The following GABRG3 variants were observed in gnomAD, a reference collection of about 807,000 sequenced individuals.
GABRG3 encodes gamma-aminobutyric acid receptor subunit gamma-3.
In GABRG3, 25 loss-of-function variants were observed where a neutral mutation model predicts 48.8. That is an observed-to-expected ratio of 0.51 (90% CI 0.37 to 0.72). The LOEUF (loss-of-function observed/expected upper bound fraction) is 0.72. Among genes scored for constraint, GABRG3 ranks in the 30% least tolerant of loss-of-function variants. GABRG3 has a pLI of 0.00. For missense variants in GABRG3, 394 were observed against 577.9 expected, an observed-to-expected ratio of 0.68 and a Z score of 3.26; for synonymous variants, 227 against 217.6, an observed-to-expected ratio of 1.04 and a Z score of -0.38.
intron 5 of GABRG3, among the ~76,000 whole-genome samples, chr15:27,395,867 A>T (rs1279363737): frequency 6.6e-6 from 1 of 152,092 alleles, no homozygotes; most frequent in Non-Finnish European, 1.5e-5. Flanking sequence ...GATAAATTGG[A>T]CATTTTTTTT....
intron 3 of GABRG3, chr15:27,161,285 A>G (rs1887178233): frequency 6.6e-6 from 1 of 152,156 alleles, no homozygotes; most frequent in Non-Finnish European, 1.5e-5. Flanking sequence ...AAGACAAGAG[A>G]TGCCTGGGTC....
At chr15:27,242,855 GTC>G (rs1595607836) in intron 3 of GABRG3, among the ~76,000 whole-genome samples, 1 of 152,236 alleles carries the variant, frequency 6.6e-6, no homozygotes, top group African/African-American at 2.4e-5. Context: ...ATTTCTTCAT[GTC>G]TCTCAGAGAG....
chr15:27,331,350 T>C (rs1893794895), intron 5 of GABRG3, among the ~76,000 whole-genome samples: 1 of 152,156 alleles, frequency 6.6e-6, no homozygotes, highest in Non-Finnish European at 1.5e-5. Context: ...AGATGTCCTT[T>C]GGTAAGAGAA....
intron 2 of GABRG3, among the ~76,000 whole-genome samples, chr15:26,984,602 G>T (rs1240397417): frequency 6.6e-6 from 1 of 152,082 alleles, no homozygotes; most frequent in African/African-American, 2.4e-5. Context: ...TCCTTAGCTG[G>T]TTCAGGGTGA....
At chr15:27,509,372 T>A (rs1174005294) in intron 6 of GABRG3, among the ~76,000 whole-genome samples, 1 of 152,066 alleles carries the variant, frequency 6.6e-6, no homozygotes, top group Non-Finnish European at 1.5e-5. Context: ...TTGAGCCTCT[T>A]GGATTTGTAC....
intron 3 of GABRG3, among the ~76,000 whole-genome samples, chr15:27,261,601 G>A (rs955705414): frequency 2.0e-5 from 3 of 151,138 alleles, no homozygotes; most frequent in African/African-American, 4.9e-5. Context: ...AATTAAATAT[G>A]TAAAATATTT....
intron 5 of GABRG3, among the ~76,000 whole-genome samples, chr15:27,423,295 G>A (rs954992122): frequency 8.0e-5 from 12 of 149,262 alleles, no homozygotes; most frequent in Non-Finnish European, 1.8e-4. Flanking sequence ...CCAAGCCTTG[G>A]GCAAGAATCA....
chr15:27,366,848 T>G (rs1895220303), intron 5 of GABRG3, among the ~76,000 whole-genome samples: 1 of 152,202 alleles, frequency 6.6e-6, no homozygotes, highest in Non-Finnish European at 1.5e-5. Context: ...ACCTTGACCC[T>G]GACCTGGCCT....
At chr15:27,239,229 G>A (rs1208146772) in intron 3 of GABRG3, among the ~76,000 whole-genome samples, 1 of 152,204 alleles carries the variant, frequency 6.6e-6, no homozygotes, top group East Asian at 1.9e-4. Flanking sequence ...CCTTGAAGAA[G>A]TATTTTTTTG....
chr15:27,056,927 C>T (rs1392415239), intron 3 of GABRG3, among the ~76,000 whole-genome samples: 2 of 152,108 alleles, frequency 1.3e-5, no homozygotes, highest in Non-Finnish European at 2.9e-5. Context: ...GCAGTGTGTG[C>T]TTGGGTCCTC....
At chr15:27,154,004 G>A (rs1898371290) in intron 3 of GABRG3, among the ~76,000 whole-genome samples, 1 of 152,102 alleles carries the variant, frequency 6.6e-6, no homozygotes, top group Admixed American at 6.5e-5. Flanking sequence ...ATTTGTGTGA[G>A]GCTTTATGTT....
At chr15:27,026,383 T>G (rs1427969612) in intron 2 of GABRG3, among the ~76,000 whole-genome samples, 1 of 152,248 alleles carries the variant, frequency 6.6e-6, no homozygotes, top group African/African-American at 2.4e-5. Flanking sequence ...ATAGCAAAAC[T>G]TTGACATTAA....
chr15:27,477,779 A>G (rs776105576), intron 5 of GABRG3, among the ~76,000 whole-genome samples: 27 of 152,270 alleles, frequency 1.8e-4, no homozygotes, highest in South Asian at 6.2e-4. Context: ...AGTGGCTCAC[A>G]CCTGTAATCC....
intron 5 of GABRG3, among the ~76,000 whole-genome samples, chr15:27,353,249 C>G (rs963353579): frequency 6.6e-6 from 1 of 151,888 alleles, no homozygotes; most frequent in Non-Finnish European, 1.5e-5. Flanking sequence ...CTAACCATGG[C>G]CCCAAGGCTT....
intron 2 of GABRG3, among the ~76,000 whole-genome samples, chr15:27,020,416 A>G (rs1229126145): frequency 6.6e-6 from 1 of 151,868 alleles, no homozygotes; most frequent in Non-Finnish European, 1.5e-5. Flanking sequence ...GTTGTTTTCT[A>G]TCTCTTTGTT....
intron 6 of GABRG3, among the ~76,000 whole-genome samples, chr15:27,496,647 G>A (rs1362899275): frequency 6.6e-6 from 1 of 152,164 alleles, no homozygotes; most frequent in East Asian, 1.9e-4. Flanking sequence ...ATTTAACTTA[G>A]TGGATAGGGT....
intron 3 of GABRG3, among the ~76,000 whole-genome samples, chr15:27,050,622 A>G (rs1249542532): frequency 6.6e-6 from 1 of 152,244 alleles, no homozygotes; most frequent in Admixed American, 6.5e-5. Context: ...ATGTAGAAGC[A>G]GCTGAGTTAT....
chr15:27,519,245 G>A (rs1566876850), intron 6 of GABRG3, among the ~76,000 whole-genome samples: 1 of 152,036 alleles, frequency 6.6e-6, no homozygotes, highest in African/African-American at 2.4e-5. Flanking sequence ...GATGCTTTGG[G>A]GAGAAAATGT....
chr15:27,516,306 C>G (rs2150860479), intron 6 of GABRG3, among the ~76,000 whole-genome samples: 1 of 152,242 alleles, frequency 6.6e-6, no homozygotes, highest in South Asian at 2.1e-4. Flanking sequence ...TTTATGTTCT[C>G]TGAGAAACAT....
Sources: allele counts gnomAD v4.1 joint callset (sites outside exome capture counted in the v4.1 genomes callset), GRCh38; gene constraint gnomAD v4.1.1; transcripts MANE v1.5; gene names NCBI Gene and HGNC (gene_info 2026-07-23, HGNC 2026-07-21).